PLCL1: variants seen among roughly 807,000 people sequenced by gnomAD.
PLCL1 encodes inactive phospholipase C-like protein 1.
In PLCL1, 41 loss-of-function variants were observed where a neutral mutation model predicts 84.4. That is an observed-to-expected ratio of 0.49 (90% CI 0.38 to 0.63). The LOEUF (loss-of-function observed/expected upper bound fraction) is 0.63. PLCL1 is among the 30% of genes least tolerant of loss of function. The pLI, the probability that PLCL1 is intolerant of heterozygous loss-of-function variation, is 0.00. For missense variants in PLCL1, 1,206 were observed against 1,367.8 expected (o/e 0.88, Z 1.87); for synonymous variants, 490 against 488.3 (o/e 1.00, Z -0.05).
intron 1 of PLCL1, among the ~76,000 whole-genome samples, chr2:197,992,112 G>A (rs879294436): frequency 2.0e-5 from 3 of 151,542 alleles, no homozygotes; most frequent in Admixed American, 2.0e-4. Flanking sequence ...TGTGCACAAT[G>A]TGCAAGTTAG....
At chr2:197,811,339 A>C (rs886131941) in intron 1 of PLCL1, among the ~76,000 whole-genome samples, 3 of 152,226 alleles carry the variant, frequency 2.0e-5, no homozygotes, top group African/African-American at 7.2e-5. Context: ...GGAATAGTCC[A>C]TTGGATTTAA....
At chr2:197,951,976 C>T (rs1033282521) in intron 1 of PLCL1, among the ~76,000 whole-genome samples, 14 of 152,116 alleles carry the variant, frequency 9.2e-5, no homozygotes, top group African/African-American at 2.7e-4. Flanking sequence ...GGACAGTTGT[C>T]GAAACTCATT....
At chr2:197,902,796 G>T (rs1003133822) in intron 1 of PLCL1, among the ~76,000 whole-genome samples, 1 of 152,186 alleles carries the variant, frequency 6.6e-6, no homozygotes, top group African/African-American at 2.4e-5. Context: ...AGTGAGCTGA[G>T]AGTCTTCACA....
intron 1 of PLCL1, among the ~76,000 whole-genome samples, chr2:197,900,879 C>T (rs938456992): frequency 7.9e-5 from 12 of 152,254 alleles, no homozygotes; most frequent in Middle Eastern, 3.4e-3. Flanking sequence ...AGTCCCATTC[C>T]TACCTCAAGG....
intron 1 of PLCL1, among the ~76,000 whole-genome samples, chr2:197,885,572 G>T (rs988170258): frequency 1.3e-5 from 2 of 152,098 alleles, no homozygotes; most frequent in African/African-American, 2.4e-5. Flanking sequence ...ACCCAGAAAC[G>T]ATGTTTAATC....
intron 5 of PLCL1, among the ~76,000 whole-genome samples, chr2:198,113,908 C>T (rs1472536632): frequency 6.6e-6 from 1 of 151,486 alleles, no homozygotes; most frequent in East Asian, 2.0e-4. Flanking sequence ...CCATGTGTAT[C>T]CATAAAATTC....
intron 1 of PLCL1, among the ~76,000 whole-genome samples, chr2:197,983,535 AATAAGCATTTTCT>A (rs1468931968): frequency 1.3e-5 from 2 of 152,132 alleles, no homozygotes; most frequent in African/African-American, 2.4e-5. Flanking sequence ...ATCAGGGCTA[AATAAGCATTTTCT>A]ATAAAAGGTT....
chr2:197,951,841 C>T (rs1689396490), intron 1 of PLCL1, among the ~76,000 whole-genome samples: 1 of 152,082 alleles, frequency 6.6e-6, no homozygotes, highest in South Asian at 2.1e-4. Context: ...GACTGAGGAA[C>T]ATGAACTTGT....
At chr2:197,918,571 C>A (rs1688639521) in intron 1 of PLCL1, among the ~76,000 whole-genome samples, 1 of 152,030 alleles carries the variant, frequency 6.6e-6, no homozygotes, top group South Asian at 2.1e-4. Flanking sequence ...TGATACTGTT[C>A]TAAAAATTAA....
chr2:197,922,849 G>A (rs1219955189), intron 1 of PLCL1, among the ~76,000 whole-genome samples: 70 of 121,064 alleles, frequency 5.8e-4, no homozygotes, highest in African/African-American at 1.6e-3. Context: ...CAGTAGGGGC[G>A]GCCGGGCAGA....
At chr2:197,970,906 C>G (rs1186228656) in intron 1 of PLCL1, among the ~76,000 whole-genome samples, 1 of 152,164 alleles carries the variant, frequency 6.6e-6, no homozygotes, top group African/African-American at 2.4e-5. Flanking sequence ...TTTAATAATT[C>G]CTTCTTGTAA....
intron 1 of PLCL1, among the ~76,000 whole-genome samples, chr2:198,055,191 G>A (rs1242942634): frequency 6.6e-6 from 1 of 151,574 alleles, no homozygotes; most frequent in African/African-American, 2.4e-5. Flanking sequence ...CAAATATAAC[G>A]TTTCCTGTTT....
chr2:198,092,097 T>C (rs1693059419), intron 3 of PLCL1, among the ~76,000 whole-genome samples: 1 of 151,358 alleles, frequency 6.6e-6, no homozygotes, highest in African/African-American at 2.4e-5. Flanking sequence ...CCTCTTTAGT[T>C]TTACTGCCTC....
chr2:197,866,743 T>TG (rs967870622), intron 1 of PLCL1, among the ~76,000 whole-genome samples: 2 of 152,188 alleles, frequency 1.3e-5, no homozygotes, highest in Non-Finnish European at 2.9e-5. Flanking sequence ...GCACCCACTC[T>TG]GGCAGCTGAT....
chr2:197,867,384 A>AT (rs5837565), intron 1 of PLCL1, among the ~76,000 whole-genome samples: 206 of 146,464 alleles, frequency 1.4e-3, no homozygotes, highest in Middle Eastern at 0.01. Context: ...ATCTGTAGGT[A>AT]TTTTTTTTTT....
intron 1 of PLCL1, among the ~76,000 whole-genome samples, chr2:197,974,798 A>G (rs1395422237): frequency 3.3e-5 from 5 of 152,242 alleles, no homozygotes; most frequent in Non-Finnish European, 5.9e-5. Context: ...CTGCGCTGTC[A>G]GAAGCTGTTT....
At chr2:198,144,801 G>T (rs549254037) in intron 5 of PLCL1, among the ~76,000 whole-genome samples, 3 of 152,068 alleles carry the variant, frequency 2.0e-5, no homozygotes, top group African/African-American at 7.3e-5. Flanking sequence ...TTTTATCTGC[G>T]TTGCTTCCAT....
intron 1 of PLCL1, among the ~76,000 whole-genome samples, chr2:198,033,710 G>T (rs1239124764): frequency 6.6e-6 from 1 of 152,052 alleles, no homozygotes; most frequent in Non-Finnish European, 1.5e-5. Flanking sequence ...TTTTCTGTTG[G>T]AAACTTTCTT....
chr2:197,825,960 C>T (rs1690919843), intron 1 of PLCL1, among the ~76,000 whole-genome samples: 1 of 152,136 alleles, frequency 6.6e-6, no homozygotes, highest in Admixed American at 6.5e-5. Flanking sequence ...CTAGCAGTTC[C>T]TCTAATAAAG....
Sources: gnomAD v4.1 joint callset for allele counts (sites outside exome capture counted in the v4.1 genomes callset) on GRCh38, gnomAD v4.1.1 for gene constraint, MANE v1.5 for transcripts, NCBI Gene and HGNC (gene_info 2026-07-23, HGNC 2026-07-21) for gene names.